Variants in PCDH11X observed in about 807,000 individuals in gnomAD.
PCDH11X encodes the protein protocadherin 11 X-linked, also known as protocadherin-11 X-linked.
Under a neutral mutation model 53.3 loss-of-function variants are expected in PCDH11X, and 18 were observed. The ratio of observed to expected loss-of-function variants is 0.34; its 90% CI spans 0.23 to 0.50. PCDH11X has a LOEUF of 0.50. Ranked by LOEUF, PCDH11X falls within the 20% of genes least tolerant of loss-of-function variation. PCDH11X has a pLI of 0.98. For synonymous variants in PCDH11X, 279 were observed against 393.3 expected (o/e 0.71, Z 3.44); for missense variants, 570 against 1,032.4 (o/e 0.55, Z 6.14).
At chrX:92,003,501 G>A (rs1334731270) in intron 6 of PCDH11X, among the ~76,000 whole-genome samples, 2 of 107,456 alleles carry the variant, frequency 1.9e-5, no homozygotes, top group African/African-American at 6.9e-5. Context: ...TTAGTCATGG[G>A]GTCCCAGGCT....
At chrX:92,484,139 AT>A (rs2073571921) in intron 10 of PCDH11X, among the ~76,000 whole-genome samples, 2 of 37,283 alleles carry the variant, frequency 5.4e-5, no homozygotes, top group African/African-American at 9.2e-5. Flanking sequence ...GTATATATGT[AT>A]GTATATATAT....
At chrX:92,335,184 C>A (rs1481323963) in intron 8 of PCDH11X, among the ~76,000 whole-genome samples, 4 of 91,878 alleles carry the variant, frequency 4.4e-5, no homozygotes, top group Non-Finnish European at 8.4e-5. Context: ...ATGGAACCAC[C>A]TTGAATCTAT....
At chrX:92,394,332 A>G (rs1282653405) in intron 9 of PCDH11X, among the ~76,000 whole-genome samples, 1 of 110,642 alleles carries the variant, frequency 9.0e-6, no homozygotes, top group Non-Finnish European at 1.9e-5. Flanking sequence ...AAGTAAAGCA[A>G]TCTCTTATCT....
At chrX:91,901,306 G>C (rs1320891355) in intron 6 of PCDH11X, among the ~76,000 whole-genome samples, 6 of 110,837 alleles carry the variant, frequency 5.4e-5, no homozygotes, top group Non-Finnish European at 1.1e-4. Context: ...AACAAAACTA[G>C]GAGACTGAGT....
At chrX:92,234,018 T>A (rs916913474) in intron 7 of PCDH11X, among the ~76,000 whole-genome samples, 7 of 111,980 alleles carry the variant, frequency 6.3e-5, no homozygotes, top group African/African-American at 2.3e-4. Context: ...TTCTAAACCT[T>A]GATGTTGAAG....
chrX:92,543,789 A>G (rs1453314372), intron 10 of PCDH11X, among the ~76,000 whole-genome samples: 1 of 110,631 alleles, frequency 9.0e-6, no homozygotes, highest in Non-Finnish European at 1.9e-5. Context: ...AAAAAAAAAA[A>G]AGTTTTATCA....
chrX:92,077,602 CAA>C lies in PCDH11X; in HGVS notation c.3034-123768_3034-123767del, dbSNP rs1270122402. 1.7e-3 allele frequency among the ~76,000 whole-genome samples: 155 copies of C among 93,479 alleles called. 1 individual carries two copies. The highest frequency in any genetic ancestry group is 5.8e-3 in the African/African-American group (148 of 25,334). 81.2% of individuals were successfully genotyped at this position (93,479 alleles called of 115,157 possible). On this transcript the variant is annotated intron_variant, in intron 6 of 10. Coordinates refer to ENST00000682573, the MANE Select transcript of PCDH11X (RefSeq NM_032968.5). Reference sequence around the variant, plus strand: ...TGTTAGCTGCTTATATTAAATGTTTCAAAAAAGAAGGAAGGAAGGGAGGAAGG... The same window carrying C: ...TGTTAGCTGCTTATATTAAATGTTTCAAAAGAAGGAAGGAAGGGAGGAAGG...
intron 4 of PCDH11X, among the ~76,000 whole-genome samples, chrX:91,819,869 T>G (rs1302282656): frequency 4.3e-5 from 4 of 92,613 alleles, no homozygotes; most frequent in Non-Finnish European, 6.3e-5. Flanking sequence ...CCCCTTCCTG[T>G]GTCCATGTGA....
intron 6 of PCDH11X, among the ~76,000 whole-genome samples, chrX:91,969,897 G>T (rs753154426): frequency 7.2e-5 from 8 of 110,486 alleles, no homozygotes; most frequent in African/African-American, 2.3e-4. Flanking sequence ...TCCTGATTCT[G>T]CCAGTTCTTT....
chrX:92,335,085 A>C (rs779511961), intron 8 of PCDH11X, among the ~76,000 whole-genome samples: 1 of 110,072 alleles, frequency 9.1e-6, no homozygotes, highest in South Asian at 4.0e-4. Context: ...TAAGGGAAAA[A>C]ACACAATTTA....
At chrX:92,452,463 G>GTGTGTATATATA (rs1415846958) in intron 9 of PCDH11X, among the ~76,000 whole-genome samples, 39 of 44,691 alleles carry the variant, frequency 8.7e-4, no homozygotes, top group Non-Finnish European at 1.0e-3. Context: ...GTGTGTGTGT[G>GTGTGTATATATA]TATATATATA....
intron 8 of PCDH11X, among the ~76,000 whole-genome samples, chrX:92,341,831 A>G (rs2069768218): frequency 8.9e-6 from 1 of 112,115 alleles, no homozygotes; most frequent in Non-Finnish European, 1.9e-5. Context: ...ACCAAAATTG[A>G]CAAGTGTGAC....
At chrX:92,200,883 C>CTTTATTTTAT (rs72033591) in intron 6 of PCDH11X, among the ~76,000 whole-genome samples, 16 of 91,866 alleles carry the variant, frequency 1.7e-4, no homozygotes, top group South Asian at 5.8e-4. Flanking sequence ...TATTTTTTAT[C>CTTTATTTTAT]TTTATTTTAT....
At chrX:92,072,444 T>C (rs5984145) in intron 6 of PCDH11X, among the ~76,000 whole-genome samples, 33,657 of 110,622 alleles carry the variant, frequency 0.3, 5,609 homozygotes, top group African/African-American at 0.63. Flanking sequence ...CTAAGACCTC[T>C]GTGTAGTACC....
intron 10 of PCDH11X, among the ~76,000 whole-genome samples, chrX:92,528,283 G>A (rs1310750782): frequency 2.7e-5 from 3 of 111,857 alleles, no homozygotes; most frequent in Non-Finnish European, 3.8e-5. Context: ...GTCCTAAGTT[G>A]TTTTATTTTT....
At chrX:92,520,276 A>C (rs893583154) in intron 10 of PCDH11X, among the ~76,000 whole-genome samples, 1 of 108,323 alleles carries the variant, frequency 9.2e-6, no homozygotes, top group Non-Finnish European at 1.9e-5. Context: ...GTTTACATTA[A>C]GCTATAGTCT....
intron 7 of PCDH11X, among the ~76,000 whole-genome samples, chrX:92,234,327 A>T (rs1025805430): frequency 5.4e-5 from 6 of 111,799 alleles, no homozygotes; most frequent in African/African-American, 2.0e-4. Context: ...GGTATGGGGC[A>T]ACAGTTGCCA....
chrX:92,030,318 T>G (rs1488630040), intron 6 of PCDH11X, among the ~76,000 whole-genome samples: 1 of 110,864 alleles, frequency 9.0e-6, no homozygotes, highest in Non-Finnish European at 1.9e-5. Flanking sequence ...ATTTTCTGGT[T>G]GGGCAAAGAT....
chrX:92,288,178 C>T (rs949138666), intron 8 of PCDH11X, among the ~76,000 whole-genome samples: 4 of 110,982 alleles, frequency 3.6e-5, no homozygotes, highest in African/African-American at 6.6e-5. Context: ...TATGGAAATG[C>T]ATTTTCTTTT....
Sources: allele counts gnomAD v4.1 joint callset (sites outside exome capture counted in the v4.1 genomes callset), GRCh38; gene constraint gnomAD v4.1.1; transcripts MANE v1.5; gene names NCBI Gene and HGNC (gene_info 2026-07-23, HGNC 2026-07-21).